Variants in HS3ST4 observed in about 807,000 individuals in gnomAD.
HS3ST4 encodes heparan sulfate-glucosamine 3-sulfotransferase 4.
Under a neutral mutation model 29.2 loss-of-function variants are expected in HS3ST4, and 17 were observed. The ratio of observed to expected loss-of-function variants is 0.58; its 90% CI spans 0.40 to 0.87. HS3ST4 has a LOEUF of 0.87. Among genes scored for constraint, HS3ST4 ranks in the 40% least tolerant of loss-of-function variants. HS3ST4 has a pLI of 0.00. For synonymous variants in HS3ST4, 314 were observed against 285.7 expected (o/e 1.10, Z -1.00); for missense variants, 627 against 634.5 (o/e 0.99, Z 0.13).
chr16:26,134,940 T>A (rs747561381), intron 1 of HS3ST4, among the ~76,000 whole-genome samples: 9 of 152,230 alleles, frequency 5.9e-5, no homozygotes, highest in Non-Finnish European at 1.0e-4. Flanking sequence ...TGTGTTCCAA[T>A]GGAAGTTTAT....
chr16:25,775,627 T>C (rs918080833), intron 1 of HS3ST4, among the ~76,000 whole-genome samples: 1 of 152,230 alleles, frequency 6.6e-6, no homozygotes. Flanking sequence ...CCAGATAGCT[T>C]ACAATTCCTC....
At chr16:26,031,372 G>A (rs371318621) in intron 1 of HS3ST4, among the ~76,000 whole-genome samples, 4 of 152,294 alleles carry the variant, frequency 2.6e-5, no homozygotes, top group African/African-American at 7.2e-5. Context: ...GGGCCGGGAC[G>A]AGGCTCCCGA....
chr16:26,065,786 C>T (rs181686222), intron 1 of HS3ST4, among the ~76,000 whole-genome samples: 157 of 152,256 alleles, frequency 1.0e-3, no homozygotes, highest in African/African-American at 3.7e-3. Flanking sequence ...GCTCTGTACA[C>T]CAGCCTAGTC....
chr16:25,828,246 T>A (rs199509630), intron 1 of HS3ST4, among the ~76,000 whole-genome samples: 1,950 of 55,798 alleles, frequency 0.035, 107 homozygotes, highest in Non-Finnish European at 0.046. Flanking sequence ...TTCTTTCTCT[T>A]TCTTTCTTTC....
At chr16:26,098,715 C>G (rs1425922452) in intron 1 of HS3ST4, among the ~76,000 whole-genome samples, 1 of 151,744 alleles carries the variant, frequency 6.6e-6, no homozygotes, top group South Asian at 2.1e-4. Context: ...CACATGTACC[C>G]CAGAACTTAA....
chr16:25,881,762 G>A (rs1967898493), intron 1 of HS3ST4, among the ~76,000 whole-genome samples: 1 of 152,118 alleles, frequency 6.6e-6, no homozygotes, highest in Admixed American at 6.6e-5. Flanking sequence ...GAATGGAGGG[G>A]ACAGGAATCA....
chr16:25,803,401 G>A (rs193238626), intron 1 of HS3ST4, among the ~76,000 whole-genome samples: 1 of 152,220 alleles, frequency 6.6e-6, no homozygotes, highest in African/African-American at 2.4e-5. Flanking sequence ...GACATTTCTT[G>A]AGCACTTGTT....
At chr16:25,765,837 G>A (rs1966815100) in intron 1 of HS3ST4, among the ~76,000 whole-genome samples, 1 of 152,132 alleles carries the variant, frequency 6.6e-6, no homozygotes, top group East Asian at 1.9e-4. Context: ...GACAAAACGT[G>A]TCACTTTGCT....
At chr16:25,843,395 C>G (rs1967435470) in intron 1 of HS3ST4, among the ~76,000 whole-genome samples, 1 of 152,150 alleles carries the variant, frequency 6.6e-6, no homozygotes, top group Non-Finnish European at 1.5e-5. Context: ...AGGAAGCATT[C>G]CAAAAGACCC....
intron 1 of HS3ST4, among the ~76,000 whole-genome samples, chr16:25,861,418 A>T (rs1967635274): frequency 6.6e-6 from 1 of 152,228 alleles, no homozygotes; most frequent in South Asian, 2.1e-4. Context: ...CAATCCTGTT[A>T]TTTACAAATG....
At chr16:26,125,442 C>T (rs1899328790) in intron 1 of HS3ST4, among the ~76,000 whole-genome samples, 1 of 152,212 alleles carries the variant, frequency 6.6e-6, no homozygotes, top group Non-Finnish European at 1.5e-5. Context: ...GCTGATCTGA[C>T]AGGAGGTGGA....
intron 1 of HS3ST4, among the ~76,000 whole-genome samples, chr16:25,779,886 G>T (rs1441860931): frequency 6.6e-6 from 1 of 152,192 alleles, no homozygotes; most frequent in Non-Finnish European, 1.5e-5. Flanking sequence ...TGCCAGAGCT[G>T]GCTTGGCATC....
chr16:26,018,832 GA>G (rs10624019), intron 1 of HS3ST4, among the ~76,000 whole-genome samples: 2,556 of 136,334 alleles, frequency 0.019, 43 homozygotes, highest in African/African-American at 0.047. Flanking sequence ...CCTCCTCATG[GA>G]AAAAAAAAAA....
chr16:25,873,466 CCA>C (rs1491473002), intron 1 of HS3ST4, among the ~76,000 whole-genome samples: 4 of 130,372 alleles, frequency 3.1e-5, no homozygotes, highest in African/African-American at 9.4e-5. Context: ...ATTTACCCAC[CCA>C]TCCATCTATC....
chr16:26,071,595 T>C (rs1898604170), intron 1 of HS3ST4, among the ~76,000 whole-genome samples: 1 of 152,210 alleles, frequency 6.6e-6, no homozygotes. Flanking sequence ...AAAAATGTGA[T>C]GCAATAGAGT....
At chr16:25,851,083 A>G (rs961172313) in intron 1 of HS3ST4, among the ~76,000 whole-genome samples, 2 of 152,210 alleles carry the variant, frequency 1.3e-5, no homozygotes, top group African/African-American at 4.8e-5. Flanking sequence ...AAAGTTTTCC[A>G]ATGAAACTGA....
At chr16:25,904,127 G>GATGGATGGATGGATGGATGAATGGATGA (rs1968152406) in intron 1 of HS3ST4, among the ~76,000 whole-genome samples, 1 of 109,816 alleles carries the variant, frequency 9.1e-6, no homozygotes, top group Non-Finnish European at 1.8e-5. Flanking sequence ...TGGATGGATG[G>GATGGATGGATGGATGGATGAATGGATGA]ATGGATGGAT....
intron 1 of HS3ST4, among the ~76,000 whole-genome samples, chr16:26,062,368 G>A (rs1180013321): frequency 6.6e-6 from 1 of 152,194 alleles, no homozygotes; most frequent in Non-Finnish European, 1.5e-5. Flanking sequence ...TTGGCACTGT[G>A]ATTGGGGCAC....
At chr16:25,976,907 A>C (rs1191767945) in intron 1 of HS3ST4, among the ~76,000 whole-genome samples, 2 of 142,278 alleles carry the variant, frequency 1.4e-5, no homozygotes, top group Non-Finnish European at 3.0e-5. Flanking sequence ...ATTCTCTGAA[A>C]TGTAAATTGC....
Sources: gnomAD v4.1 joint callset for allele counts (sites outside exome capture counted in the v4.1 genomes callset) on GRCh38, gnomAD v4.1.1 for gene constraint, MANE v1.5 for transcripts, NCBI Gene and HGNC (gene_info 2026-07-23, HGNC 2026-07-21) for gene names.